ZNF711: variants seen among roughly 807,000 people sequenced by gnomAD.
ZNF711 encodes the protein zinc finger protein 711.
In ZNF711, 3 loss-of-function variants were observed where a neutral mutation model predicts 43.5. The observed-to-expected ratio is 0.07, with a 90% confidence interval of 0.03 to 0.18. ZNF711 has a LOEUF of 0.18. ZNF711 is among the 10% of genes least tolerant of loss of function. The pLI is 1.00. For missense variants in ZNF711, 412 were observed against 604.0 expected (o/e 0.68, Z 3.33); for synonymous variants, 209 against 207.7 (o/e 1.01, Z -0.06).
chrX:85,271,363 G>A lies in ZNF711; in HGVS notation c.1959G>A (p.Arg653=), dbSNP rs1020144560. 8.3e-7 allele frequency: 1 copy of A among 1,210,302 alleles called. No homozygotes were observed. Among genetic ancestry groups the A allele is most frequent in the African/African-American group, 1.7e-5 (1 of 57,694 alleles). Residue 653 remains arginine, a synonymous_variant, in exon 11 of 11, where the codon CGG becomes CGA. Coordinates refer to ENST00000674551, the MANE Select transcript of ZNF711 (RefSeq NM_001330574.2). ...HKSTNSSDLK[R]HIISVHTKDF... ...GCACCAATTCAAGTGACCTTAAGCG[G>A]CACATCATATCTGTCCATACTAAGG...
chrX:85,259,284 C>T, intron 5 of ZNF711, among the ~76,000 whole-genome samples: 1 of 111,566 alleles, frequency 9.0e-6, no homozygotes, highest in African/African-American at 3.2e-5. Context: ...GTACTAGTAA[C>T]ATGCTGTTTA....
chrX:85,248,362 A>C (rs1296773879), intron 4 of ZNF711, among the ~76,000 whole-genome samples: 1 of 105,384 alleles, frequency 9.5e-6, no homozygotes, highest in Non-Finnish European at 1.9e-5. Context: ...CCAGCTACTC[A>C]GGAGGCTGAG....
intron 4 of ZNF711, among the ~76,000 whole-genome samples, chrX:85,249,366 G>A (rs1293736679): frequency 1.8e-5 from 2 of 111,466 alleles, no homozygotes; most frequent in African/African-American, 6.5e-5. Context: ...TTTTTAAAAT[G>A]GAAGTATTAT....
rs922269805 is a variant in ZNF711, at chrX:85,266,205, A to G, written c.916+950A>G. 3.6e-5 allele frequency among the ~76,000 whole-genome samples: 4 copies of G among 111,520 alleles called. 1 individual carries two copies. The South Asian group carries it at 1.5e-3, about 42-fold the overall frequency. ...GTGCTGCACTCTGATACCTACTCCA[A>G]GTTTCCTTCCCTAGAAGTTGTAGGG... On this transcript the variant is annotated intron_variant, in intron 7 of 10. Transcript: ENST00000674551.
chrX:85,264,350 A>G lies in ZNF711; in HGVS notation c.698A>G (p.Asp233Gly), dbSNP rs1236083396. 8.3e-7 allele frequency: 1 copy of G among 1,206,049 alleles called. No individual in the cohort carries two copies. The highest frequency in any genetic ancestry group is 1.7e-5 in the African/African-American group (1 of 57,689). ...LKIGSDGSQE[D>G]AKEDGFGSEV... ...ATTGGCAGTGATGGTTCACAAGAAG[A>G]TGCTAAAGAAGATGGGTTTGGTTCT... Residue 233 changes from aspartate to glycine, a missense_variant, in exon 6 of 11, where the codon GAT (aspartate) becomes GGT (glycine). By Grantham distance (94) the Asp-to-Gly change is moderately conservative. Around this residue, in one of 4 missense-constraint regions of ZNF711, gnomAD observed 375 missense variants for 514.2 expected, o/e 0.73. Coordinates refer to ENST00000674551, the MANE Select transcript of ZNF711 (RefSeq NM_001330574.2).
intron 5 of ZNF711, among the ~76,000 whole-genome samples, chrX:85,262,448 C>T (rs1930738494): frequency 9.1e-6 from 1 of 109,942 alleles, no homozygotes; most frequent in African/African-American, 3.3e-5. Flanking sequence ...ATTTTGGACA[C>T]TTTTTGAAGT....
At chrX:85,266,219 G>C (rs1931081841) in intron 7 of ZNF711, among the ~76,000 whole-genome samples, 1 of 111,512 alleles carries the variant, frequency 9.0e-6, no homozygotes, top group African/African-American at 3.3e-5. Flanking sequence ...TCCTTCCCTA[G>C]AAGTTGTAGG....
At chrX:85,257,463 A>T (rs1930260725) in intron 5 of ZNF711, among the ~76,000 whole-genome samples, 1 of 111,827 alleles carries the variant, frequency 8.9e-6, no homozygotes, top group Admixed American at 9.5e-5. Context: ...TAGAATAATG[A>T]CCCACAGCAG....
intron 5 of ZNF711, among the ~76,000 whole-genome samples, chrX:85,264,016 A>G (rs751043457): frequency 1.8e-5 from 2 of 110,413 alleles, no homozygotes; most frequent in South Asian, 7.7e-4. Context: ...TGAACATTGT[A>G]TCCAATAGAT....
intron 9 of ZNF711, 52 bp from the exon 10 acceptor site, chrX:85,269,951 C>G: frequency 8.4e-7 from 1 of 1,189,777 alleles, no homozygotes; most frequent in Admixed American, 2.2e-5. Flanking sequence ...TCAACAGAAC[C>G]AAAAAAGTAT....
intron 1 of ZNF711, among the ~76,000 whole-genome samples, chrX:85,244,408 T>C (rs930971936): frequency 1.6e-4 from 18 of 111,512 alleles, no homozygotes; most frequent in African/African-American, 5.9e-4. Context: ...GTAAGGGTTT[T>C]CCCCCTTAGC....
chrX:85,252,260 A>G (rs1451415858), intron 4 of ZNF711, among the ~76,000 whole-genome samples: 2 of 111,790 alleles, frequency 1.8e-5, no homozygotes, highest in African/African-American at 6.5e-5. Flanking sequence ...GGATTTATTT[A>G]TTTAGTTTTT....
chrX:85,262,695 A>T (rs1930767023), intron 5 of ZNF711, among the ~76,000 whole-genome samples: 1 of 110,687 alleles, frequency 9.0e-6, no homozygotes, highest in Non-Finnish European at 1.9e-5. Context: ...CTTTATTTTG[A>T]TCATTTGGAT....
At chrX:85,262,758 T>A (rs950251984) in intron 5 of ZNF711, among the ~76,000 whole-genome samples, 6 of 110,653 alleles carry the variant, frequency 5.4e-5, no homozygotes, top group Admixed American at 3.9e-4. Context: ...GATAGAATCA[T>A]TTGTATTTAA....
intron 6 of ZNF711, 93 bp downstream of exon 6, chrX:85,264,523 GT>G: frequency 3.5e-6 from 3 of 852,397 alleles, no homozygotes; most frequent in Non-Finnish European, 4.8e-6. Context: ...CAAAGCATGG[GT>G]TTTTTTAATA....
Position 85,270,689 on chromosome X carries a change from T to C in ZNF711, c.1285T>C (p.Tyr429His). 2 of 1,208,856 alleles carry C rather than the reference T, an allele frequency of 1.7e-6. No homozygotes were observed. The highest frequency in any genetic ancestry group is 2.2e-6 in the Non-Finnish European group (2 of 893,833). ...TCCTGATGGACAGCCCCTCACAGTG[T>C]ACCCTTGCCATATTTGCACAAAAAA... is the stretch of plus-strand genomic sequence containing the variant. Reference protein sequence around the residue: ...IGPDGQPLTVYPCHICTKKFK... With the variant: ...IGPDGQPLTVHPCHICTKKFK... Residue 429 changes from tyrosine to histidine, a missense_variant, in exon 11 of 11, where the codon TAC becomes CAC. By Grantham distance (83) the Tyr-to-His change is moderately conservative. Coordinates refer to ENST00000674551, the MANE Select transcript of ZNF711 (RefSeq NM_001330574.2).
chrX:85,247,732 G>T, intron 4 of ZNF711, 81 bp downstream of exon 4: 4 of 778,841 alleles, frequency 5.1e-6, no homozygotes, highest in Non-Finnish European at 7.9e-6. Context: ...TGAGGAAGGG[G>T]AGAATTACAA....
At chrX:85,260,613 C>A (rs868601241) in intron 5 of ZNF711, among the ~76,000 whole-genome samples, 7 of 108,575 alleles carry the variant, frequency 6.4e-5, no homozygotes, top group South Asian at 4.0e-4. Flanking sequence ...TAGCCCCCCC[C>A]CCATCCACTC....
At chrX:85,268,171 T>C (rs1198305589) in intron 8 of ZNF711, 123 bp from the exon 9 acceptor site, 26 of 870,626 alleles carry the variant, frequency 3.0e-5, no homozygotes, top group Non-Finnish European at 3.8e-5. Flanking sequence ...ACAACAATTT[T>C]TTTTAACCCA....
Sources: gnomAD v4.1 joint callset for allele counts (sites outside exome capture counted in the v4.1 genomes callset) on GRCh38, gnomAD v4.1.1 for gene constraint, gnomAD v4.1.1 regional missense constraint, MANE v1.5 for transcripts, NCBI Gene and HGNC (gene_info 2026-07-23, HGNC 2026-07-21) for gene names.